MID1: variants seen among roughly 807,000 people sequenced by gnomAD.
MID1 encodes E3 ubiquitin-protein ligase Midline-1.
In MID1, 7 loss-of-function variants were observed where a neutral mutation model predicts 40.4. The observed-to-expected ratio is 0.17, with a 90% CI of 0.10 to 0.33. The LOEUF (loss-of-function observed/expected upper bound fraction) is 0.33, where lower values mean the gene tolerates loss of function less well. Ranked by LOEUF, MID1 falls within the 10% of genes least tolerant of loss-of-function variation. The pLI, the probability that MID1 is intolerant of heterozygous loss-of-function variation, is 1.00. For missense variants in MID1, 367 were observed against 558.5 expected (o/e 0.66, Z 3.46); for synonymous variants, 229 against 221.2 (o/e 1.04, Z -0.31).
At chrX:10,528,139 C>T (rs1356748169) in intron 2 of MID1, among the ~76,000 whole-genome samples, 1 of 110,697 alleles carries the variant, frequency 9.0e-6, no homozygotes, top group Non-Finnish European at 1.9e-5. Context: ...AAATTCCAGG[C>T]TGTAGATCAG....
chrX:10,626,373 G>T (rs1441612475), intron 1 of MID1, among the ~76,000 whole-genome samples: 1 of 107,811 alleles, frequency 9.3e-6, no homozygotes, highest in Admixed American at 1.0e-4. Context: ...GTGTTGCCCA[G>T]GCTGGAGTGC....
At chrX:10,571,887 G>A (rs1323555323) in intron 1 of MID1, among the ~76,000 whole-genome samples, 1 of 108,185 alleles carries the variant, frequency 9.2e-6, no homozygotes, top group Non-Finnish European at 1.9e-5. Flanking sequence ...AGCCCATATC[G>A]AGAAAAAAAA....
At chrX:10,694,959 T>C (rs1282312209) in intron 1 of MID1, among the ~76,000 whole-genome samples, 1 of 111,367 alleles carries the variant, frequency 9.0e-6, no homozygotes, top group Non-Finnish European at 1.9e-5. Flanking sequence ...GAAACTGCCC[T>C]TGTAAAACTA....
At chrX:10,504,077 T>C (rs939116787) in intron 3 of MID1, among the ~76,000 whole-genome samples, 3 of 111,601 alleles carry the variant, frequency 2.7e-5, no homozygotes, top group African/African-American at 9.8e-5. Flanking sequence ...TAAAATAATT[T>C]AGAGGGAGCA....
chrX:10,487,798 G>A (rs1367624326), intron 4 of MID1, among the ~76,000 whole-genome samples: 1 of 111,151 alleles, frequency 9.0e-6, no homozygotes, highest in Non-Finnish European at 1.9e-5. Context: ...TAATTATACT[G>A]AGATCCATCC....
chrX:10,572,674 T>C (rs1934770980), intron 1 of MID1, among the ~76,000 whole-genome samples: 1 of 111,802 alleles, frequency 8.9e-6, no homozygotes, highest in Non-Finnish European at 1.9e-5. Flanking sequence ...CATTTCTACT[T>C]CAATAAAAGG....
At chrX:10,750,548 T>C (rs945616474) in intron 1 of MID1, among the ~76,000 whole-genome samples, 13 of 110,348 alleles carry the variant, frequency 1.2e-4, no homozygotes, top group African/African-American at 4.3e-4. Flanking sequence ...CGAGAATTGC[T>C]GGAACCTGGG....
intron 1 of MID1, among the ~76,000 whole-genome samples, chrX:10,785,901 G>A (rs1258773549): frequency 8.9e-6 from 1 of 111,777 alleles, no homozygotes; most frequent in Non-Finnish European, 1.9e-5. Flanking sequence ...CAGGACATAG[G>A]CATGGGCAAG....
intron 1 of MID1, among the ~76,000 whole-genome samples, chrX:10,808,263 T>A (rs2044062095): frequency 8.9e-6 from 1 of 112,054 alleles, no homozygotes; most frequent in African/African-American, 3.2e-5. Flanking sequence ...TTCTCTGTGA[T>A]TAAATGATAT....
chrX:10,538,586 A>G (rs779347747), intron 2 of MID1, among the ~76,000 whole-genome samples: 1 of 111,698 alleles, frequency 9.0e-6, no homozygotes, highest in Non-Finnish European at 1.9e-5. Context: ...TCAAAACTAT[A>G]GGTTTAAAAC....
At chrX:10,677,822 G>C (rs2043033099) in intron 1 of MID1, 1 of 110,321 alleles carries the variant, frequency 9.1e-6, no homozygotes, top group Admixed American at 9.8e-5. Flanking sequence ...CCCCACCCCA[G>C]GCCCCTGTCC....
intron 1 of MID1, among the ~76,000 whole-genome samples, chrX:10,636,784 G>GAATATATATATA (rs1198448070): frequency 8.2e-5 from 1 of 12,157 alleles, no homozygotes; most frequent in Admixed American, 1.2e-3. Context: ...CCAACAATGG[G>GAATATATATATA]GATATATATA....
chrX:10,703,225 C>T (rs776709310), intron 1 of MID1, among the ~76,000 whole-genome samples: 3 of 112,361 alleles, frequency 2.7e-5, no homozygotes, highest in South Asian at 7.3e-4. Flanking sequence ...AAAATCATGC[C>T]ATCAGCACCT....
chrX:10,485,178 T>C lies in MID1; in HGVS notation c.865-2550A>G, dbSNP rs7883773. ...GTGAGTTGCTGCAACAGAGACCGTATGGCAAAGCCTAAAATATTTGTTATC... is the reference window on the plus strand; with the variant it reads ...GTGAGTTGCTGCAACAGAGACCGTACGGCAAAGCCTAAAATATTTGTTATC... On this transcript the variant is annotated intron_variant, in intron 4 of 9. Coordinates refer to ENST00000317552, the MANE Select transcript of MID1 (RefSeq NM_000381.4). Among the ~76,000 whole-genome samples the C allele has an allele frequency of 6.1e-3, 677 of 111,298 alleles. 3 individuals carry two copies. The highest frequency in any genetic ancestry group is 0.023 in the Middle Eastern group (5 of 216).
At chrX:10,494,102 G>A (rs2036430665) in intron 4 of MID1, among the ~76,000 whole-genome samples, 3 of 112,167 alleles carry the variant, frequency 2.7e-5, no homozygotes, top group Middle Eastern at 4.7e-3. Flanking sequence ...GTAGCTTTTC[G>A]GCACATGTGA....
At chrX:10,771,285 T>C (rs2043766836) in intron 1 of MID1, among the ~76,000 whole-genome samples, 1 of 110,525 alleles carries the variant, frequency 9.0e-6, no homozygotes, top group African/African-American at 3.3e-5. Flanking sequence ...GTGACTAATA[T>C]ATAGTTTCTC....
intron 1 of MID1, among the ~76,000 whole-genome samples, chrX:10,777,610 G>A (rs1208962195): frequency 1.7e-4 from 18 of 106,876 alleles, no homozygotes; most frequent in Non-Finnish European, 2.9e-4. Flanking sequence ...GCGCGATCTT[G>A]GCTCATTGCA....
chrX:10,450,212 A>G (rs1374512859), intron 9 of MID1, among the ~76,000 whole-genome samples: 1 of 112,562 alleles, frequency 8.9e-6, no homozygotes, highest in Non-Finnish European at 1.9e-5. Flanking sequence ...AATGATTTAA[A>G]TAGCTGCCTG....
intron 3 of MID1, among the ~76,000 whole-genome samples, chrX:10,510,133 T>C (rs1307852390): frequency 8.9e-6 from 1 of 112,252 alleles, no homozygotes; most frequent in East Asian, 2.8e-4. Flanking sequence ...TCAAGTTGAA[T>C]AGACTCAACT....
Sources: allele counts gnomAD v4.1 joint callset (sites outside exome capture counted in the v4.1 genomes callset), GRCh38; gene constraint gnomAD v4.1.1; transcripts MANE v1.5; gene names NCBI Gene and HGNC (gene_info 2026-07-23, HGNC 2026-07-21).